CDH13: variants seen among roughly 807,000 people sequenced by gnomAD.
CDH13 encodes the protein cadherin-13.
In CDH13, 24 loss-of-function variants were observed where a neutral mutation model predicts 63.8. That is an observed-to-expected ratio of 0.38 (90% CI 0.27 to 0.53). The LOEUF (loss-of-function observed/expected upper bound fraction) is 0.53. Ranked by LOEUF, CDH13 falls within the 20% of genes least tolerant of loss-of-function variation. The pLI is 0.85. For missense variants in CDH13, 1,049 were observed against 903.1 expected (o/e 1.16, Z -2.07); for synonymous variants, 503 against 355.3 (o/e 1.42, Z -4.67).
At chr16:83,230,359 T>C (rs1221689360) in intron 5 of CDH13, among the ~76,000 whole-genome samples, 1 of 152,166 alleles carries the variant, frequency 6.6e-6, no homozygotes, top group Admixed American at 6.5e-5. Flanking sequence ...AAGGGCTGCA[T>C]GAAGTATCTT....
chr16:83,551,213 C>G (rs1252855358), intron 7 of CDH13, among the ~76,000 whole-genome samples: 1 of 152,040 alleles, frequency 6.6e-6, no homozygotes, highest in African/African-American at 2.4e-5. Flanking sequence ...TCCCAAGTAG[C>G]TGGGATCACA....
intron 6 of CDH13, among the ~76,000 whole-genome samples, chr16:83,438,338 T>C (rs1423902215): frequency 6.6e-6 from 1 of 152,244 alleles, no homozygotes; most frequent in Non-Finnish European, 1.5e-5. Context: ...CTCCCCATTG[T>C]TGCCTAAACC....
chr16:82,721,923 G>C (rs1225679535), intron 1 of CDH13, among the ~76,000 whole-genome samples: 1 of 152,030 alleles, frequency 6.6e-6, no homozygotes, highest in African/African-American at 2.4e-5. Flanking sequence ...GGAAGGACCT[G>C]ATGTGCTTTC....
intron 8 of CDH13, among the ~76,000 whole-genome samples, chr16:83,663,141 T>A (rs1913595456): frequency 6.6e-6 from 1 of 152,210 alleles, no homozygotes; most frequent in African/African-American, 2.4e-5. Context: ...TAATCCCATT[T>A]TTCATGAATC....
In CDH13 at chr16:83,191,492, CATAT is replaced by C. The variant is rs200931128; in HGVS notation, c.484-25843_484-25840del. Among the ~76,000 whole-genome samples, 51 of 92,680 alleles carry C rather than the reference CATAT, an allele frequency of 5.5e-4. 1 individual carries two copies. The South Asian group carries it at 9.3e-3, about 17-fold the overall frequency. 60.8% of individuals were successfully genotyped at this position (92,680 alleles called of 152,430 possible). ...ATATATATATATATATATATATGCA[CATAT>C]ATATATATACACACACACACACACA... On this transcript the variant is annotated intron_variant, in intron 4 of 13. Transcript: ENST00000567109.
intron 11 of CDH13, among the ~76,000 whole-genome samples, chr16:83,758,239 A>G (rs1490896110): frequency 2.0e-5 from 3 of 152,294 alleles, no homozygotes; most frequent in South Asian, 2.1e-4. Context: ...TTTTTATGAG[A>G]CAAGGTTTTT....
chr16:83,180,868 A>G (rs2038326162), intron 4 of CDH13: 1 of 1,519,654 alleles, frequency 6.6e-7, no homozygotes, highest in South Asian at 1.2e-5. Context: ...TTTTTCTTAC[A>G]GAGAACCCAC....
intron 1 of CDH13, among the ~76,000 whole-genome samples, chr16:82,692,566 C>T (rs1915748308): frequency 6.6e-6 from 1 of 152,108 alleles, no homozygotes; most frequent in Admixed American, 6.5e-5. Context: ...CTCTCTTGTT[C>T]CTTCCATGAC....
chr16:83,117,792 C>G (rs971871151), intron 3 of CDH13, among the ~76,000 whole-genome samples: 1 of 149,930 alleles, frequency 6.7e-6, no homozygotes, highest in African/African-American at 2.4e-5. Flanking sequence ...CTCAACCCCT[C>G]CCCTGCCCCT....
At chr16:83,651,786 G>A (rs1397487701) in intron 8 of CDH13, among the ~76,000 whole-genome samples, 1 of 151,942 alleles carries the variant, frequency 6.6e-6, no homozygotes, top group African/African-American at 2.4e-5. Flanking sequence ...AGTAGAGACA[G>A]GGTTTCACCA....
intron 8 of CDH13, among the ~76,000 whole-genome samples, chr16:83,668,874 A>G (rs1213858696): frequency 6.6e-6 from 1 of 152,192 alleles, no homozygotes; most frequent in Non-Finnish European, 1.5e-5. Context: ...AATTGATCAC[A>G]GCATTCTTTC....
chr16:83,388,390 C>G (rs2091720422), intron 6 of CDH13, among the ~76,000 whole-genome samples: 1 of 151,976 alleles, frequency 6.6e-6, no homozygotes, highest in African/African-American at 2.4e-5. Flanking sequence ...AAAGTCGAGG[C>G]TACTTTGAGT....
rs146061261 is a variant in CDH13, at chr16:82,935,546, A to G, written c.157+77073A>G. Among the ~76,000 whole-genome samples, 103 of 152,328 alleles carry G rather than the reference A, an allele frequency of 6.8e-4. 1 individual carries two copies. Among genetic ancestry groups the G allele is most frequent in the Middle Eastern group, 3.4e-3 (1 of 294 alleles). On this transcript the variant is annotated intron_variant, in intron 2 of 13. Transcript: ENST00000567109. ...CCTAGCATTGGGGTTTAAAGAAAAA[A>G]GTAAAAAGGACCTACCTTGGAAATC...
chr16:82,704,612 G>C (rs550868427), intron 1 of CDH13, among the ~76,000 whole-genome samples: 5 of 152,198 alleles, frequency 3.3e-5, no homozygotes, highest in Non-Finnish European at 7.3e-5. Context: ...AAGTGCTGCA[G>C]AGGCAGGCAC....
At chr16:82,656,327 G>T (rs1363522757) in intron 1 of CDH13, among the ~76,000 whole-genome samples, 3 of 151,988 alleles carry the variant, frequency 2.0e-5, no homozygotes, top group Non-Finnish European at 2.9e-5. Context: ...GTGTGTGTGT[G>T]TGTGTGTGTT....
intron 6 of CDH13, among the ~76,000 whole-genome samples, chr16:83,458,428 C>T (rs1214789567): frequency 6.6e-6 from 1 of 152,148 alleles, no homozygotes; most frequent in Non-Finnish European, 1.5e-5. Context: ...GTGTGTAGTC[C>T]TCTTATATTT....
At chr16:83,719,834 A>G (rs1163639318) in intron 10 of CDH13, among the ~76,000 whole-genome samples, 1 of 152,116 alleles carries the variant, frequency 6.6e-6, no homozygotes, top group Non-Finnish European at 1.5e-5. Flanking sequence ...CATCAGCGTC[A>G]GTTGGCCCCA....
rs1197321985 is a variant in CDH13 at position 83,670,958 on chromosome 16, C to T, written c.1270C>T (p.Leu424Phe). The T allele has an allele frequency of 6.3e-7, 1 of 1,596,670 alleles. No individual in the cohort carries two copies. The highest frequency in any genetic ancestry group is 8.6e-7 in the Non-Finnish European group (1 of 1,168,896). ...CAACCCTCAAACCAACGAAGGGATG[C>T]TTTCTGTTGTCAAAGTAAGGGTGCT... Reference protein sequence around the residue: ...HTNPQTNEGMLSVVKPLDYEI... With the variant: ...HTNPQTNEGMFSVVKPLDYEI... The change falls in exon 9 of 14, where the codon CTT becomes TTT. Residue 424 changes from leucine to phenylalanine, a missense_variant. Transcript: ENST00000567109.
At chr16:83,350,261 G>A (rs1273824163) in intron 6 of CDH13, among the ~76,000 whole-genome samples, 2 of 152,230 alleles carry the variant, frequency 1.3e-5, no homozygotes, top group Non-Finnish European at 2.9e-5. Context: ...CAGGGCAGCT[G>A]GGAGAATGGC....
Sources: allele counts gnomAD v4.1 joint callset (sites outside exome capture counted in the v4.1 genomes callset), GRCh38; gene constraint gnomAD v4.1.1; transcripts MANE v1.5; gene names NCBI Gene and HGNC (gene_info 2026-07-23, HGNC 2026-07-21).